The following SEMA3D variants were observed in gnomAD, a reference collection of about 807,000 sequenced individuals.
The protein encoded by SEMA3D is semaphorin-3D.
In SEMA3D, 84 loss-of-function variants were observed where a neutral mutation model predicts 100.1. The ratio of observed to expected loss-of-function variants is 0.84; its 90% CI spans 0.70 to 1.01. The LOEUF is 1.01. SEMA3D is among the 50% of genes least tolerant of loss of function. SEMA3D has a pLI of 0.00. For synonymous variants in SEMA3D, 312 were observed against 320.7 expected (o/e 0.97, Z 0.29); for missense variants, 875 against 934.1 (o/e 0.94, Z 0.82).
chr7:85,025,199 T>C (rs1790359728), intron 12 of SEMA3D, among the ~76,000 whole-genome samples: 1 of 152,004 alleles, frequency 6.6e-6, no homozygotes. Flanking sequence ...GATTAGCTCC[T>C]AGGAGAGTAG....
chr7:85,224,589 A>AAC, the SEMA3D span, among the ~76,000 whole-genome samples: 1 of 152,200 alleles, frequency 6.6e-6, no homozygotes, highest in African/African-American at 2.4e-5. Flanking sequence ...ATGAATGTGC[A>AAC]TATTTTATCA....
chr7:85,187,330 A>G (rs1209179072), upstream of SEMA3D, among the ~76,000 whole-genome samples: 2 of 152,154 alleles, frequency 1.3e-5, no homozygotes, highest in Non-Finnish European at 2.9e-5. Context: ...TTCCTTCTCT[A>G]TACCATAAAA....
intron 3 of SEMA3D, among the ~76,000 whole-genome samples, chr7:85,102,804 G>A (rs1439070648): frequency 6.6e-6 from 1 of 151,854 alleles, no homozygotes; most frequent in East Asian, 1.9e-4. Flanking sequence ...CTTACACAGT[G>A]AGAAAAATAA....
intron 13 of SEMA3D, 59 bp downstream of exon 13, chr7:85,022,332 C>A: frequency 8.7e-7 from 1 of 1,152,056 alleles, no homozygotes; most frequent in Non-Finnish European, 1.3e-6. Context: ...AGTTGTTCTT[C>A]TCTTTGTCTA....
At chr7:85,225,504 C>T in the SEMA3D span, among the ~76,000 whole-genome samples, 1 of 151,706 alleles carries the variant, frequency 6.6e-6, no homozygotes, top group Admixed American at 6.6e-5. Flanking sequence ...TGTGGGGCAT[C>T]AGTATAAAGT....
chr7:85,164,516 C>T (rs182127094), intron 1 of SEMA3D, among the ~76,000 whole-genome samples: 3 of 152,142 alleles, frequency 2.0e-5, no homozygotes, highest in South Asian at 2.1e-4. Flanking sequence ...TGAGCATCTC[C>T]GCAAGCTGCA....
At chr7:85,140,248 T>C in intron 2 of SEMA3D, 1 of 832,322 alleles carries the variant, frequency 1.2e-6, no homozygotes, top group South Asian at 5.5e-5. Context: ...ATAATTCATT[T>C]ATTAAATAAG....
chr7:85,198,513 G>C, the SEMA3D span, among the ~76,000 whole-genome samples: 1 of 151,824 alleles, frequency 6.6e-6, no homozygotes, highest in Non-Finnish European at 1.5e-5. Flanking sequence ...TATTTCTTCT[G>C]TAGAAGTATA....
At chr7:85,231,693 G>C in the SEMA3D span, among the ~76,000 whole-genome samples, 2 of 151,890 alleles carry the variant, frequency 1.3e-5, no homozygotes, top group Admixed American at 1.3e-4. Flanking sequence ...TTTGTGATCC[G>C]CCCCCCTCAG....
At chr7:85,072,036 CTT>C (rs1438742358) in intron 6 of SEMA3D, among the ~76,000 whole-genome samples, 7 of 152,140 alleles carry the variant, frequency 4.6e-5, no homozygotes, top group Non-Finnish European at 1.5e-5. Context: ...TCCATTGAGA[CTT>C]AATTTTTACT....
At chr7:85,106,220 C>T (rs1788915034) in intron 3 of SEMA3D, among the ~76,000 whole-genome samples, 1 of 151,980 alleles carries the variant, frequency 6.6e-6, no homozygotes, top group Admixed American at 6.6e-5. Context: ...TTTACAATTG[C>T]TTCATAGCTT....
chr7:85,092,001 A>G (rs1305585629), intron 4 of SEMA3D, among the ~76,000 whole-genome samples: 1 of 152,076 alleles, frequency 6.6e-6, no homozygotes, highest in Non-Finnish European at 1.5e-5. Context: ...AAAAATCTGC[A>G]TACAGAATAG....
At chr7:85,024,172 C>T (rs995136831) in intron 12 of SEMA3D, among the ~76,000 whole-genome samples, 2 of 151,976 alleles carry the variant, frequency 1.3e-5, no homozygotes. Flanking sequence ...GGATATGGAG[C>T]TCAAATGATA....
chr7:85,104,349 A>T (rs771684917), intron 3 of SEMA3D, among the ~76,000 whole-genome samples: 3 of 152,150 alleles, frequency 2.0e-5, no homozygotes, highest in Non-Finnish European at 2.9e-5. Flanking sequence ...CTCTAATAGT[A>T]AAATGGAAAT....
chr7:85,116,748 A>G (rs192294166), intron 3 of SEMA3D, among the ~76,000 whole-genome samples: 177 of 152,102 alleles, frequency 1.2e-3, no homozygotes, highest in African/African-American at 4.0e-3. Context: ...CTGAGCTTTG[A>G]CTTTTTGGTC....
intron 1 of SEMA3D, among the ~76,000 whole-genome samples, chr7:85,177,939 G>C (rs1009856238): frequency 6.6e-6 from 1 of 152,126 alleles, no homozygotes; most frequent in African/African-American, 2.4e-5. Flanking sequence ...GATCTCATGG[G>C]AGGTGATTAG....
At chr7:85,221,234 A>G in the SEMA3D span, among the ~76,000 whole-genome samples, 7 of 152,110 alleles carry the variant, frequency 4.6e-5, no homozygotes, top group Non-Finnish European at 7.4e-5. Flanking sequence ...AATATAAGTA[A>G]AAAGCAACTC....
intron 4 of SEMA3D, among the ~76,000 whole-genome samples, chr7:85,091,553 C>T (rs906476973): frequency 1.3e-5 from 2 of 151,140 alleles, no homozygotes; most frequent in Non-Finnish European, 2.9e-5. Flanking sequence ...AGCTTGTATA[C>T]ATTATTCTTG....
intron 13 of SEMA3D, among the ~76,000 whole-genome samples, chr7:85,021,652 A>G (rs934542072): frequency 5.9e-5 from 9 of 151,732 alleles, no homozygotes; most frequent in African/African-American, 2.2e-4. Flanking sequence ...AAAATTCTTA[A>G]TTTTTAATTC....
Sources: gnomAD v4.1 joint callset for allele counts (sites outside exome capture counted in the v4.1 genomes callset) on GRCh38, gnomAD v4.1.1 for gene constraint, MANE v1.5 for transcripts, NCBI Gene and HGNC (gene_info 2026-07-23, HGNC 2026-07-21) for gene names.